GLIS3: variants seen among roughly 807,000 people sequenced by gnomAD.
GLIS3 encodes GLIS family zinc finger 3.
GLIS3 carries 53 observed loss-of-function variants against 78.6 expected under a neutral mutation model. The ratio of observed to expected loss-of-function variants is 0.67; its 90% CI spans 0.54 to 0.85. The LOEUF is 0.85. Ranked by LOEUF, GLIS3 falls within the 40% of genes least tolerant of loss-of-function variation. The pLI is 0.00. For synonymous variants in GLIS3, 684 were observed against 509.9 expected (o/e 1.34, Z -4.60); for missense variants, 1,703 against 1,231.1 (o/e 1.38, Z -5.74).
At chr9:4,316,309 A>G (rs985802769) in intron 2 of GLIS3, among the ~76,000 whole-genome samples, 3 of 152,236 alleles carry the variant, frequency 2.0e-5, no homozygotes, top group South Asian at 4.1e-4. Flanking sequence ...ATAAGGTCCC[A>G]CAACTTGTTT....
At chr9:4,460,041 TC>T in the GLIS3 span, among the ~76,000 whole-genome samples, 2,207 of 152,158 alleles carry the variant, frequency 0.015, 54 homozygotes, top group African/African-American at 0.051. Flanking sequence ...AATTGTCCAT[TC>T]CAATCTTTAA....
the GLIS3 span, among the ~76,000 whole-genome samples, chr9:4,469,570 G>C: frequency 8.0e-3 from 1,213 of 152,248 alleles, 15 homozygotes; most frequent in African/African-American, 0.028. Context: ...CAGAAATAAA[G>C]ATGTTCTTTG....
chr9:3,893,958 C>T (rs1377804770), intron 7 of GLIS3, among the ~76,000 whole-genome samples: 1 of 152,182 alleles, frequency 6.6e-6, no homozygotes, highest in Non-Finnish European at 1.5e-5. Flanking sequence ...GAAGCTTGCT[C>T]CTGACCTCAC....
chr9:4,466,369 A>G, the GLIS3 span, among the ~76,000 whole-genome samples: 1 of 152,168 alleles, frequency 6.6e-6, no homozygotes, highest in Non-Finnish European at 1.5e-5. Context: ...ATTCTACCCA[A>G]TATTTTAAGG....
At chr9:4,342,609 A>G (rs558369843) in intron 2 of GLIS3, among the ~76,000 whole-genome samples, 1 of 152,290 alleles carries the variant, frequency 6.6e-6, no homozygotes, top group South Asian at 2.1e-4. Flanking sequence ...GAATACTATA[A>G]TAGTTCTTTT....
chr9:3,886,464 G>C (rs1250004543), intron 7 of GLIS3, among the ~76,000 whole-genome samples: 1 of 152,172 alleles, frequency 6.6e-6, no homozygotes, highest in African/African-American at 2.4e-5. Context: ...GCGAAAATGG[G>C]CTGTTACTAA....
intron 8 of GLIS3, among the ~76,000 whole-genome samples, chr9:3,870,440 C>T (rs1204945495): frequency 6.6e-6 from 1 of 152,136 alleles, no homozygotes; most frequent in African/African-American, 2.4e-5. Context: ...AGTCTGTTTT[C>T]ATGCTGCTGT....
At chr9:4,389,047 G>C in the GLIS3 span, among the ~76,000 whole-genome samples, 17 of 152,182 alleles carry the variant, frequency 1.1e-4, no homozygotes, top group African/African-American at 4.1e-4. Flanking sequence ...AGCCGACTGA[G>C]GTGCCACAGC....
rs746113432 is a variant in GLIS3, at chr9:4,117,988, C to G, written c.1490G>C (p.Gly497Ala). Residue 497 changes from glycine to alanine, a missense_variant, in exon 4 of 11, where the codon GGG (glycine) becomes GCG (alanine). Physicochemically the swap from Gly to Ala is moderately conservative, Grantham distance 60. Coordinates refer to ENST00000381971, the MANE Select transcript of GLIS3 (RefSeq NM_001042413.2). ...GATCCAGCGGCAGCAATGCTTGCCC[C>G]CGATGCCGTCCATCTCCCCGTCGTC... ...LDDDGEMDGIGGKHCCRWIDC... is the reference protein window; with the variant it reads ...LDDDGEMDGIAGKHCCRWIDC... 3 of 1,611,754 alleles carry G rather than the reference C, an allele frequency of 1.9e-6. No individual in the cohort carries two copies. The highest frequency in any genetic ancestry group is 3.3e-5 in the Admixed American group (2 of 60,006).
the GLIS3 span, among the ~76,000 whole-genome samples, chr9:4,471,106 G>C: frequency 2.0e-5 from 3 of 152,030 alleles, no homozygotes; most frequent in East Asian, 1.9e-4. Context: ...AAATAAAAGA[G>C]GACACAAACA....
chr9:4,048,919 T>C (rs1184143983), intron 4 of GLIS3, among the ~76,000 whole-genome samples: 1 of 152,214 alleles, frequency 6.6e-6, no homozygotes, highest in African/African-American at 2.4e-5. Context: ...CCCTACTGCA[T>C]GCTTTCACTT....
At chr9:4,015,013 A>G (rs1822324000) in intron 4 of GLIS3, among the ~76,000 whole-genome samples, 1 of 152,248 alleles carries the variant, frequency 6.6e-6, no homozygotes, top group Non-Finnish European at 1.5e-5. Context: ...GAATTGATAG[A>G]TAATAAACCA....
intron 2 of GLIS3, among the ~76,000 whole-genome samples, chr9:4,337,572 A>T (rs1448266542): frequency 1.3e-5 from 2 of 152,214 alleles, no homozygotes; most frequent in African/African-American, 4.8e-5. Flanking sequence ...CTAACAAACA[A>T]AAAGCTTCAG....
intron 2 of GLIS3, among the ~76,000 whole-genome samples, chr9:4,134,879 C>G (rs1833280729): frequency 6.6e-6 from 1 of 152,136 alleles, no homozygotes; most frequent in Non-Finnish European, 1.5e-5. Context: ...AGTTCTTTGC[C>G]ACACGGTATA....
upstream of GLIS3, among the ~76,000 whole-genome samples, chr9:4,349,602 G>C (rs1817937875): frequency 6.6e-6 from 1 of 152,036 alleles, no homozygotes; most frequent in African/African-American, 2.4e-5. Flanking sequence ...CATTTACTTA[G>C]GGAAGGAACT....
intron 5 of GLIS3, among the ~76,000 whole-genome samples, chr9:3,936,099 T>C (rs1232310198): frequency 1.3e-5 from 2 of 152,234 alleles, no homozygotes; most frequent in Non-Finnish European, 2.9e-5. Context: ...TGTAGTTTAA[T>C]AATAGACATC....
At chr9:4,405,478 G>T in the GLIS3 span, among the ~76,000 whole-genome samples, 1 of 152,098 alleles carries the variant, frequency 6.6e-6, no homozygotes, top group Admixed American at 6.5e-5. Flanking sequence ...AAATCTAGAA[G>T]AAATGGATAA....
Position 4,151,255 on chromosome 9 carries a change from C to A in GLIS3, c.389-25314G>T, listed in dbSNP as rs370411106. On this transcript the variant is annotated intron_variant, in intron 2 of 10. Coordinates refer to ENST00000381971, the MANE Select transcript of GLIS3 (RefSeq NM_001042413.2). ...AAAGCCTGCATTCTCCCAGATCAGA[C>A]AAAATGTATGACTCTTCAGGAGAAA... is the stretch of plus-strand genomic sequence containing the variant. 1.4e-3 allele frequency among the ~76,000 whole-genome samples: 220 copies of A among 152,298 alleles called. 2 individuals are homozygous for A. Among genetic ancestry groups the A allele is most frequent in the African/African-American group, 4.8e-3 (199 of 41,558 alleles).
At position 4,157,490 on chromosome 9, in the gene GLIS3, A is replaced by T. The variant is rs142510810; in HGVS notation, c.389-31549T>A. ...TCTTTGGGGTGGGGAGCAGAGAGGA[A>T]GGAGGAAGATGCATATTTTTAGTAC... On this transcript the variant is annotated intron_variant, in intron 2 of 10. Coordinates refer to ENST00000381971, the MANE Select transcript of GLIS3 (RefSeq NM_001042413.2). Among the ~76,000 whole-genome samples, 466 of 152,314 alleles carry T rather than the reference A, an allele frequency of 3.1e-3. 3 individuals carry two copies. The highest frequency in any genetic ancestry group is 4.0e-3 in the Non-Finnish European group (271 of 68,032).
Sources: allele counts gnomAD v4.1 joint callset (sites outside exome capture counted in the v4.1 genomes callset), GRCh38; gene constraint gnomAD v4.1.1; transcripts MANE v1.5; gene names NCBI Gene and HGNC (gene_info 2026-07-23, HGNC 2026-07-21).